Variants in EDIL3 observed in about 807,000 individuals in gnomAD.
The protein encoded by EDIL3 is EGF-like repeat and discoidin I-like domain-containing protein 3.
In EDIL3, 37 loss-of-function variants were observed where a neutral mutation model predicts 67.4. The observed-to-expected ratio is 0.55, with a 90% CI of 0.42 to 0.72. The LOEUF is 0.72. Among genes scored for constraint, EDIL3 ranks in the 30% least tolerant of loss-of-function variants. The probability of loss-of-function intolerance (pLI) is 0.00; values close to 1 mark genes in which losing one functional copy is unlikely to be tolerated. For synonymous variants in EDIL3, 195 were observed against 196.3 expected (o/e 0.99, Z 0.05); for missense variants, 527 against 586.3 (o/e 0.90, Z 1.04).
At chr5:84,229,911 G>T (rs372545376) in intron 2 of EDIL3, 27 bp from the exon 3 acceptor site, 22 of 1,600,304 alleles carry the variant, frequency 1.4e-5, no homozygotes, top group Non-Finnish European at 1.9e-5. Context: ...AGGTGAAATG[G>T]GGGTGGGGTA....
At chr5:84,094,012 TC>T (rs1747216019) in intron 6 of EDIL3, among the ~76,000 whole-genome samples, 1 of 152,146 alleles carries the variant, frequency 6.6e-6, no homozygotes, top group South Asian at 2.1e-4. Context: ...CATCATGTAT[TC>T]CAAAGAATCT....
Position 84,384,581 on chromosome 5 carries a change from T to G in EDIL3, c.-207A>C. 1 of 416,816 alleles carries G rather than the reference T, an allele frequency of 2.4e-6. No individual in the cohort carries two copies. The highest frequency in any genetic ancestry group is 4.1e-6 in the Non-Finnish European group (1 of 241,340). The allele number at this position is 416,816 out of a possible 1,614,324, so 25.8% of individuals were successfully genotyped here. A position where few individuals can be genotyped will look rare whatever the true frequency, so the allele number is the denominator to read the frequency against. ...GAGGAGCCTTTCCTCCCCTTTTGCC[T>G]GCGCTCCGGCGCGCGGAGGTGGGTG... is the stretch of plus-strand genomic sequence containing the variant. On this transcript the variant is annotated 5_prime_UTR_variant, in exon 1 of 11. Transcript: ENST00000296591.
At chr5:84,377,329 G>C (rs987529902) in intron 1 of EDIL3, among the ~76,000 whole-genome samples, 3 of 150,400 alleles carry the variant, frequency 2.0e-5, no homozygotes, top group African/African-American at 7.3e-5. Context: ...AAAAAAAAGA[G>C]TGAAGCAGAG....
At chr5:84,145,830 A>AT (rs75614940) in intron 4 of EDIL3, among the ~76,000 whole-genome samples, 152,190 of 152,190 alleles carry the variant, frequency 1, 76,095 homozygotes, top group Non-Finnish European at 1. Flanking sequence ...ACCTGGGCAC[A>AT]TTTATCTAGA....
intron 1 of EDIL3, among the ~76,000 whole-genome samples, chr5:84,286,553 T>C (rs1018112528): frequency 4.6e-5 from 7 of 152,180 alleles, no homozygotes; most frequent in African/African-American, 1.7e-4. Context: ...CTGCGTTTGC[T>C]TGCTTTTTTA....
At chr5:84,010,569 T>C (rs1000071176) in intron 9 of EDIL3, among the ~76,000 whole-genome samples, 6 of 152,182 alleles carry the variant, frequency 3.9e-5, no homozygotes, top group African/African-American at 1.4e-4. Context: ...ACAGTTTCTA[T>C]TATGTTTCTG....
In EDIL3 at chr5:84,118,357, GTTTATA is replaced by G. The variant is rs573217656; in HGVS notation, c.470-11533_470-11528del. The stretch of plus-strand genomic sequence containing the variant: ...GATAAAAAGAAAATAGAATCACTCA[GTTTATA>G]TTTATAGATTAATTAGATTAATTTA... On this transcript the variant is annotated intron_variant, in intron 5 of 10. Transcript: ENST00000296591. Among the ~76,000 whole-genome samples, 220 of 152,142 alleles carry G rather than the reference GTTTATA, an allele frequency of 1.4e-3. 3 individuals are homozygous for G. The highest frequency in any genetic ancestry group is 5.1e-3 in the African/African-American group (213 of 41,536).
At chr5:84,287,899 A>T (rs920948506) in intron 1 of EDIL3, among the ~76,000 whole-genome samples, 2 of 151,402 alleles carry the variant, frequency 1.3e-5, no homozygotes, top group African/African-American at 4.9e-5. Context: ...CAGTCCCTGG[A>T]CCTCTTGTCT....
At chr5:84,341,881 A>C (rs553395119) in intron 1 of EDIL3, among the ~76,000 whole-genome samples, 7 of 152,160 alleles carry the variant, frequency 4.6e-5, no homozygotes, top group African/African-American at 1.7e-4. Context: ...CAAGTATTAT[A>C]GTTTATTTTA....
intron 1 of EDIL3, among the ~76,000 whole-genome samples, chr5:84,370,483 A>G (rs991132155): frequency 6.6e-6 from 1 of 152,212 alleles, no homozygotes; most frequent in African/African-American, 2.4e-5. Flanking sequence ...GGCAATTAGT[A>G]GATCAGAGGG....
At chr5:84,239,106 A>G (rs535176946) in intron 2 of EDIL3, among the ~76,000 whole-genome samples, 2 of 152,296 alleles carry the variant, frequency 1.3e-5, no homozygotes, top group South Asian at 4.1e-4. Flanking sequence ...AAAACAATGG[A>G]CTAATGAGGC....
intron 6 of EDIL3, among the ~76,000 whole-genome samples, chr5:84,106,033 T>C (rs562272596): frequency 1.3e-5 from 2 of 152,276 alleles, no homozygotes; most frequent in African/African-American, 4.8e-5. Context: ...TCCTAGTACA[T>C]AGTTCATCTA....
At chr5:84,093,838 T>A (rs1747211486) in intron 6 of EDIL3, among the ~76,000 whole-genome samples, 1 of 151,970 alleles carries the variant, frequency 6.6e-6, no homozygotes, top group Non-Finnish European at 1.5e-5. Flanking sequence ...TTCTGTATTT[T>A]TAGTAGAGAC....
At chr5:84,318,928 A>C (rs1339483550) in intron 1 of EDIL3, among the ~76,000 whole-genome samples, 1 of 152,216 alleles carries the variant, frequency 6.6e-6, no homozygotes, top group Non-Finnish European at 1.5e-5. Flanking sequence ...GCTAATATCC[A>C]GAATCTACAA....
chr5:84,305,700 A>G (rs1354234351), intron 1 of EDIL3, among the ~76,000 whole-genome samples: 1 of 152,288 alleles, frequency 6.6e-6, no homozygotes, highest in East Asian at 1.9e-4. Flanking sequence ...CAACATGGTG[A>G]AACCCCGTCT....
intron 2 of EDIL3, among the ~76,000 whole-genome samples, chr5:84,251,734 G>A (rs1745029087): frequency 6.6e-6 from 1 of 152,016 alleles, no homozygotes; most frequent in South Asian, 2.1e-4. Flanking sequence ...TAGGAAAGTT[G>A]TATTCAAGAA....
chr5:83,979,753 A>T (rs1465820733), intron 9 of EDIL3, among the ~76,000 whole-genome samples: 1 of 152,146 alleles, frequency 6.6e-6, no homozygotes, highest in East Asian at 1.9e-4. Flanking sequence ...ACAGCCACCA[A>T]CTGTCCCAGG....
intron 9 of EDIL3, among the ~76,000 whole-genome samples, chr5:84,005,072 C>T (rs1385527070): frequency 6.6e-6 from 1 of 152,040 alleles, no homozygotes; most frequent in East Asian, 1.9e-4. Context: ...TCTATACACA[C>T]AAACTAGAAA....
At chr5:84,217,332 G>GT (rs1744249041) in intron 3 of EDIL3, among the ~76,000 whole-genome samples, 1 of 152,046 alleles carries the variant, frequency 6.6e-6, no homozygotes, top group Admixed American at 6.6e-5. Context: ...AAATAAAACA[G>GT]TTTGTGTTTA....
Sources: allele counts gnomAD v4.1 joint callset (sites outside exome capture counted in the v4.1 genomes callset), GRCh38; gene constraint gnomAD v4.1.1; transcripts MANE v1.5; gene names NCBI Gene and HGNC (gene_info 2026-07-23, HGNC 2026-07-21).